PLEKHM3: variants seen among roughly 807,000 people sequenced by gnomAD.
PLEKHM3 encodes pleckstrin homology domain-containing family M member 3.
Under a neutral mutation model 81.8 loss-of-function variants are expected in PLEKHM3, and 45 were observed. The ratio of observed to expected loss-of-function variants is 0.55; its 90% confidence interval spans 0.43 to 0.71. The LOEUF is 0.71. Ranked by LOEUF, PLEKHM3 falls within the 30% of genes least tolerant of loss-of-function variation. The pLI is 0.00. For missense variants in PLEKHM3, 788 were observed against 924.3 expected, an observed-to-expected ratio of 0.85 and a Z score of 1.91; for synonymous variants, 352 against 356.4, an observed-to-expected ratio of 0.99 and a Z score of 0.14.
rs145659184 is a variant in PLEKHM3 at position 208,017,278 on chromosome 2, G to C, written c.-319+8111C>G. ...CAAATAACATAATGTAGTGTTTTAT[G>C]AACTCCAAAGCAGTGTACAGGATGC... On this transcript the variant is annotated intron_variant, in intron 1 of 7. Transcript: ENST00000427836. Among the ~76,000 whole-genome samples, 372 of 152,274 alleles carry C rather than the reference G, an allele frequency of 2.4e-3. 3 individuals are homozygous for C. Among genetic ancestry groups the C allele is most frequent in the African/African-American group, 8.4e-3 (347 of 41,556 alleles).
intron 3 of PLEKHM3, among the ~76,000 whole-genome samples, chr2:207,964,789 T>C (rs1314746335): frequency 6.6e-6 from 1 of 152,206 alleles, no homozygotes; most frequent in African/African-American, 2.4e-5. Context: ...ATTAAAACTT[T>C]TTTATGTTAA....
chr2:207,883,659 T>C (rs2105856434), intron 6 of PLEKHM3, among the ~76,000 whole-genome samples: 1 of 152,250 alleles, frequency 6.6e-6, no homozygotes, highest in South Asian at 2.1e-4. Context: ...GTCATCTGAG[T>C]CAGCACTCAA....
intron 6 of PLEKHM3, among the ~76,000 whole-genome samples, chr2:207,864,199 A>G (rs2092483531): frequency 6.6e-6 from 1 of 152,278 alleles, no homozygotes; most frequent in East Asian, 1.9e-4. Context: ...CCATTCTTCA[A>G]CTTACTTTTC....
chr2:207,833,583 A>T (rs186283476), intron 7 of PLEKHM3, among the ~76,000 whole-genome samples: 2 of 152,108 alleles, frequency 1.3e-5, no homozygotes, highest in Admixed American at 1.3e-4. Flanking sequence ...TTGAGTTATA[A>T]TCCTTTGATG....
At chr2:207,995,590 T>C (rs1249060127) in intron 2 of PLEKHM3, among the ~76,000 whole-genome samples, 1 of 152,184 alleles carries the variant, frequency 6.6e-6, no homozygotes, top group Non-Finnish European at 1.5e-5. Context: ...AAGTTACTTA[T>C]GCTCCCTGTG....
At chr2:207,893,328 G>T (rs1688118259) in intron 6 of PLEKHM3, among the ~76,000 whole-genome samples, 1 of 152,172 alleles carries the variant, frequency 6.6e-6, no homozygotes, top group Non-Finnish European at 1.5e-5. Context: ...TTTGGGTTTT[G>T]GGGGAGCAGG....
chr2:208,017,477 G>C lies in PLEKHM3; in HGVS notation c.-319+7912C>G, dbSNP rs141921834. Among the ~76,000 whole-genome samples the C allele has an allele frequency of 1.6e-3, 246 of 152,306 alleles. 1 individual carries two copies. Among genetic ancestry groups the C allele is most frequent in the African/African-American group, 5.1e-3 (213 of 41,554 alleles). ...GGCAGTAAGAGTTTGCTGTGCATCA[G>C]CTTTTCTGGTGGTCTTGGAAAGGAG... On this transcript the variant is annotated intron_variant, in intron 1 of 7. Coordinates refer to ENST00000427836, the MANE Select transcript of PLEKHM3 (RefSeq NM_001080475.3).
intron 6 of PLEKHM3, among the ~76,000 whole-genome samples, chr2:207,866,101 T>G (rs1236329495): frequency 6.6e-6 from 1 of 152,034 alleles, no homozygotes; most frequent in African/African-American, 2.4e-5. Flanking sequence ...TGCATACATA[T>G]TAATCAGTTT....
intron 7 of PLEKHM3, among the ~76,000 whole-genome samples, chr2:207,858,156 G>A (rs2105806447): frequency 1.0e-5 from 1 of 98,298 alleles, no homozygotes; most frequent in East Asian, 2.3e-4. Context: ...GTGTGTGTGT[G>A]TGTGTGTGTG....
chr2:207,878,895 G>A (rs143368387), intron 6 of PLEKHM3, among the ~76,000 whole-genome samples: 20 of 151,888 alleles, frequency 1.3e-4, no homozygotes, highest in Admixed American at 2.6e-4. Context: ...GCCCCTGGAG[G>A]ATGAGGTTTA....
intron 2 of PLEKHM3, among the ~76,000 whole-genome samples, chr2:207,989,076 G>T (rs1691814280): frequency 6.6e-6 from 1 of 152,132 alleles, no homozygotes; most frequent in South Asian, 2.1e-4. Flanking sequence ...TTCCTTCAAA[G>T]AACTCTCTCC....
At chr2:207,877,516 A>G (rs557667648) in intron 6 of PLEKHM3, among the ~76,000 whole-genome samples, 1 of 152,298 alleles carries the variant, frequency 6.6e-6, no homozygotes, top group South Asian at 2.1e-4. Flanking sequence ...TGACTAATTG[A>G]AGAAAAAGGA....
At chr2:207,921,478 T>C (rs1424869218) in intron 5 of PLEKHM3, among the ~76,000 whole-genome samples, 1 of 152,230 alleles carries the variant, frequency 6.6e-6, no homozygotes, top group Non-Finnish European at 1.5e-5. Flanking sequence ...TTAGCACATC[T>C]ATCATCTCAA....
chr2:207,922,072 A>T (rs1249458493), intron 5 of PLEKHM3, among the ~76,000 whole-genome samples: 4 of 152,304 alleles, frequency 2.6e-5, no homozygotes, highest in African/African-American at 9.6e-5. Context: ...TCTTTTCCAT[A>T]GAGTCTGTAC....
intron 6 of PLEKHM3, among the ~76,000 whole-genome samples, chr2:207,866,265 C>T (rs533859884): frequency 6.6e-6 from 1 of 152,258 alleles, no homozygotes; most frequent in East Asian, 1.9e-4. Context: ...AAGCGATTCT[C>T]CTGCCTCAGC....
chr2:207,980,646 G>A lies in PLEKHM3; in HGVS notation c.611-3060C>T, dbSNP rs1436202227. ...TGCAATGGCGTTATCATGACTCACT[G>A]CAGCCTTGACCTCCCAGGCTCAAGC... On this transcript the variant is annotated intron_variant, in intron 2 of 7. Transcript: ENST00000427836. 2.6e-5 allele frequency among the ~76,000 whole-genome samples: 4 copies of A among 152,076 alleles called. No individual in the cohort carries two copies. The East Asian group carries it at 7.7e-4, about 29-fold the overall frequency.
intron 2 of PLEKHM3, among the ~76,000 whole-genome samples, chr2:207,985,817 T>C (rs917757574): frequency 2.0e-5 from 3 of 151,878 alleles, no homozygotes; most frequent in Non-Finnish European, 4.4e-5. Flanking sequence ...AAACCCCGTC[T>C]CTACTAAAAA....
intron 4 of PLEKHM3, among the ~76,000 whole-genome samples, chr2:207,943,270 A>C (rs1422565325): frequency 6.6e-6 from 1 of 152,252 alleles, no homozygotes; most frequent in Admixed American, 6.5e-5. Context: ...TGTATGTATC[A>C]AAATATTACA....
chr2:207,858,544 T>C (rs968909684), intron 7 of PLEKHM3, among the ~76,000 whole-genome samples: 26 of 151,802 alleles, frequency 1.7e-4, no homozygotes, highest in Admixed American at 1.4e-3. Context: ...GTGAGTGGCA[T>C]GATCTCTGCT....
Sources: allele counts gnomAD v4.1 joint callset (sites outside exome capture counted in the v4.1 genomes callset), GRCh38; gene constraint gnomAD v4.1.1; transcripts MANE v1.5; gene names NCBI Gene and HGNC (gene_info 2026-07-23, HGNC 2026-07-21).